The following CIMAP1D variants were observed in gnomAD, a reference collection of about 807,000 sequenced individuals.
The protein encoded by CIMAP1D is protein CIMAP1D.
At chr19:487,965 C>G in the CIMAP1D span, among the ~76,000 whole-genome samples, 4 of 152,148 alleles carry the variant, frequency 2.6e-5, no homozygotes, top group African/African-American at 9.7e-5. Flanking sequence ...AACCCTTGTC[C>G]TGTTCTGTTC....
At chr19:473,319 T>C in the CIMAP1D span, among the ~76,000 whole-genome samples, 7 of 21,836 alleles carry the variant, frequency 3.2e-4, no homozygotes, top group African/African-American at 2.6e-3. Flanking sequence ...AGATACATGG[T>C]CACAGATGGG....
chr19:464,522 G>A, the CIMAP1D span, among the ~76,000 whole-genome samples: 2,974 of 152,274 alleles, frequency 0.02, 44 homozygotes, highest in East Asian at 0.065. Flanking sequence ...CACATGGTCT[G>A]TGTTTCAAGC....
At chr19:463,419 C>G in the CIMAP1D span, 1 of 237,366 alleles carries the variant, frequency 4.2e-6, no homozygotes, top group Non-Finnish European at 8.1e-6. Context: ...GGGAAAGGCA[C>G]AGGCCTCGGG....
chr19:484,870 C>T, the CIMAP1D span, among the ~76,000 whole-genome samples: 1 of 152,064 alleles, frequency 6.6e-6, no homozygotes, highest in African/African-American at 2.4e-5. Context: ...TCTGCTGGAG[C>T]AGAGGAGGGC....
the CIMAP1D span, among the ~76,000 whole-genome samples, chr19:484,404 G>A: frequency 2.0e-5 from 3 of 152,094 alleles, no homozygotes; most frequent in African/African-American, 7.2e-5. Context: ...GCCTCCTAAA[G>A]TGCTGGGATT....
chr19:488,936 G>C, the CIMAP1D span, among the ~76,000 whole-genome samples: 3 of 151,998 alleles, frequency 2.0e-5, no homozygotes, highest in Non-Finnish European at 4.4e-5. Context: ...ACCACGGGGC[G>C]AGACAGCCGC....
the CIMAP1D span, among the ~76,000 whole-genome samples, chr19:484,138 T>C: frequency 1.4e-5 from 2 of 142,026 alleles, no homozygotes; most frequent in South Asian, 4.4e-4. Context: ...CTTTTCTTTT[T>C]CTTTTTTTTT....
chr19:482,654 G>C, the CIMAP1D span, among the ~76,000 whole-genome samples: 23,117 of 152,128 alleles, frequency 0.15, 3,805 homozygotes, highest in African/African-American at 0.4. Flanking sequence ...TCTGCTGCCA[G>C]CTCTGTGCTC....
chr19:486,200 C>T, the CIMAP1D span, among the ~76,000 whole-genome samples: 3 of 152,170 alleles, frequency 2.0e-5, no homozygotes, highest in Non-Finnish European at 2.9e-5. Flanking sequence ...GCTTGTATTC[C>T]GAGGATTTGG....
chr19:486,248 C>T, the CIMAP1D span, among the ~76,000 whole-genome samples: 1 of 152,186 alleles, frequency 6.6e-6, no homozygotes, highest in Non-Finnish European at 1.5e-5. Flanking sequence ...CTGCTGTAGC[C>T]TGCAAGGTCC....
At chr19:464,211 G>C in the CIMAP1D span, 2 of 1,517,604 alleles carry the variant, frequency 1.3e-6, no homozygotes, top group South Asian at 1.2e-5. Flanking sequence ...GCCCCACAGA[G>C]GGGGCATGGT....
At chr19:489,192 G>C in the CIMAP1D span, 1 of 152,118 alleles carries the variant, frequency 6.6e-6, no homozygotes, top group Admixed American at 6.5e-5. Context: ...GGAAAAGGAG[G>C]GGGAGCGGCT....
the CIMAP1D span, among the ~76,000 whole-genome samples, chr19:465,317 A>AGATG: frequency 3.8e-5 from 5 of 131,134 alleles, no homozygotes; most frequent in African/African-American, 1.2e-4. Context: ...ATGGATGTGT[A>AGATG]GATGGATGGA....
At chr19:482,019 C>T in the CIMAP1D span, among the ~76,000 whole-genome samples, 2 of 151,974 alleles carry the variant, frequency 1.3e-5, no homozygotes, top group African/African-American at 4.8e-5. Context: ...CAAGCAATCC[C>T]CCTGCCTTAG....
the CIMAP1D span, among the ~76,000 whole-genome samples, chr19:478,964 G>T: frequency 3.3e-5 from 5 of 152,190 alleles, no homozygotes; most frequent in Non-Finnish European, 7.3e-5. Flanking sequence ...CCTTTCCCTT[G>T]GAGACAGGCA....
the CIMAP1D span, among the ~76,000 whole-genome samples, chr19:466,225 T>C: frequency 8.5e-6 from 1 of 116,980 alleles, no homozygotes; most frequent in African/African-American, 3.5e-5. Flanking sequence ...GGTGGGTGGA[T>C]GGATGAGTGG....
the CIMAP1D span, among the ~76,000 whole-genome samples, chr19:487,206 G>T: frequency 6.6e-6 from 1 of 152,294 alleles, no homozygotes; most frequent in African/African-American, 2.4e-5. Flanking sequence ...CCACTGTGAA[G>T]TTCGCGGCGA....
chr19:484,287 T>C, the CIMAP1D span, among the ~76,000 whole-genome samples: 30,352 of 151,642 alleles, frequency 0.2, 3,196 homozygotes, highest in South Asian at 0.25. Context: ...ATTACAGGTG[T>C]GCGCCACCAC....
chr19:485,083 G>T, the CIMAP1D span, among the ~76,000 whole-genome samples: 1 of 152,068 alleles, frequency 6.6e-6, no homozygotes, highest in Non-Finnish European at 1.5e-5. Flanking sequence ...TGGGGTGAAG[G>T]GGAGTGAGAG....
Sources: allele counts gnomAD v4.1 joint callset (sites outside exome capture counted in the v4.1 genomes callset), GRCh38; gene constraint gnomAD v4.1.1; transcripts MANE v1.5; gene names NCBI Gene and HGNC (gene_info 2026-07-23, HGNC 2026-07-21).